KRABD3: variants seen among roughly 807,000 people sequenced by gnomAD.
KRABD3 encodes the protein KRAB domain-containing protein 3.
the KRABD3 span, chr7:149,730,397 ACT>A: frequency 1.3e-6 from 2 of 1,567,582 alleles, no homozygotes; most frequent in Non-Finnish European, 1.7e-6. Context: ...GCCAGTCACC[ACT>A]CTGATGCCAG....
chr7:149,728,812 G>A, the KRABD3 span: 19 of 989,014 alleles, frequency 1.9e-5, no homozygotes, highest in African/African-American at 8.2e-5. Flanking sequence ...CCTTGTTGGA[G>A]GCCAGAAAGC....
the KRABD3 span, chr7:149,729,872 C>T: frequency 2.0e-6 from 2 of 985,446 alleles, no homozygotes; most frequent in Non-Finnish European, 2.4e-6. Flanking sequence ...AGACCTAGGC[C>T]TGGCTAGAAC....
At chr7:149,723,533 C>A in the KRABD3 span, 1 of 565,334 alleles carries the variant, frequency 1.8e-6, no homozygotes, top group Non-Finnish European at 3.1e-6. Context: ...GCCTGCAGGG[C>A]GAATTCCATG....
chr7:149,731,373 C>T, the KRABD3 span, among the ~76,000 whole-genome samples: 118 of 152,292 alleles, frequency 7.7e-4, no homozygotes, highest in South Asian at 6.0e-3. Flanking sequence ...TGCCCCAGCA[C>T]GCCCTTGGAA....
At chr7:149,717,588 C>T in the KRABD3 span, among the ~76,000 whole-genome samples, 3 of 152,212 alleles carry the variant, frequency 2.0e-5, no homozygotes, top group African/African-American at 4.8e-5. Context: ...GGAGAGTCTG[C>T]ACATCGAGGC....
the KRABD3 span, chr7:149,729,769 C>T: frequency 1.0e-6 from 1 of 985,386 alleles, no homozygotes; most frequent in Non-Finnish European, 1.2e-6. Context: ...AGGATGGGCC[C>T]TAACTGAGCC....
the KRABD3 span, chr7:149,723,798 C>G: frequency 1.9e-6 from 3 of 1,613,960 alleles, no homozygotes; most frequent in South Asian, 3.3e-5. Context: ...TGAAGGAGCT[C>G]CCCGAGGCCC....
At chr7:149,721,096 G>A in the KRABD3 span, 6 of 1,420,984 alleles carry the variant, frequency 4.2e-6, no homozygotes, top group South Asian at 6.8e-5. Context: ...CACAGGCCGG[G>A]AGGCAGAGTC....
chr7:149,731,577 A>AC, the KRABD3 span: 1 of 959,358 alleles, frequency 1.0e-6, no homozygotes, highest in Admixed American at 2.2e-5. Flanking sequence ...TCATTGTTTA[A>AC]AAGTTGAGAG....
the KRABD3 span, chr7:149,724,885 C>A: frequency 3.0e-5 from 45 of 1,495,898 alleles, no homozygotes; most frequent in African/African-American, 4.9e-4. Flanking sequence ...GTGGTCTTCC[C>A]CATGGGCTTG....
At chr7:149,722,489 T>G in the KRABD3 span, 1 of 969,570 alleles carries the variant, frequency 1.0e-6, no homozygotes. Context: ...AGCCCAGCCC[T>G]CCCACCCATA....
chr7:149,716,057 G>T, the KRABD3 span, among the ~76,000 whole-genome samples: 1 of 152,284 alleles, frequency 6.6e-6, no homozygotes, highest in Non-Finnish European at 1.5e-5. Flanking sequence ...GGAGTGGTAG[G>T]TCACTGTAAG....
chr7:149,728,778 C>T, the KRABD3 span: 4 of 1,316,026 alleles, frequency 3.0e-6, no homozygotes, highest in South Asian at 5.7e-5. Flanking sequence ...CAACATGGTG[C>T]TCTGGAAACA....
the KRABD3 span, chr7:149,725,222 G>T: frequency 3.8e-6 from 5 of 1,321,710 alleles, no homozygotes; most frequent in Non-Finnish European, 1.0e-6. Context: ...CGTCACCCCT[G>T]TAGAAAGCAC....
At chr7:149,720,496 C>A in the KRABD3 span, among the ~76,000 whole-genome samples, 5 of 152,248 alleles carry the variant, frequency 3.3e-5, no homozygotes, top group African/African-American at 1.2e-4. Flanking sequence ...CAAGGCCAGG[C>A]ATTTAGGGGG....
At chr7:149,719,699 T>G in the KRABD3 span, 1 of 1,587,572 alleles carries the variant, frequency 6.3e-7, no homozygotes, top group Non-Finnish European at 8.6e-7. The surrounding 1 kb of genome is among the most constrained non-coding windows in gnomAD (Gnocchi z 5.6). Context: ...GCAGCACGTG[T>G]GGCAGGAGCC....
At chr7:149,733,826 C>T in the KRABD3 span, 1 of 1,604,106 alleles carries the variant, frequency 6.2e-7, no homozygotes, top group South Asian at 1.1e-5. Context: ...CGGGGGCCAC[C>T]AGAGCCCCCT....
chr7:149,722,620 A>T, the KRABD3 span: 1 of 1,538,396 alleles, frequency 6.5e-7, no homozygotes, highest in Non-Finnish European at 8.9e-7. Context: ...CGAGGAGGTC[A>T]TGCTGCTCCG....
chr7:149,717,437 T>C, the KRABD3 span, among the ~76,000 whole-genome samples: 13 of 152,256 alleles, frequency 8.5e-5, no homozygotes, highest in Non-Finnish European at 4.4e-5. Flanking sequence ...GCATAGACCC[T>C]GATGTTGGCT....
Sources: gnomAD v4.1 joint callset for allele counts (sites outside exome capture counted in the v4.1 genomes callset) on GRCh38, gnomAD v4.1.1 for gene constraint, Gnocchi (gnomAD v3.1) non-coding constraint, MANE v1.5 for transcripts, NCBI Gene and HGNC (gene_info 2026-07-23, HGNC 2026-07-21) for gene names.